SAMD5: variants seen among roughly 807,000 people sequenced by gnomAD.
The protein encoded by SAMD5 is sterile alpha motif domain containing 5, also known as sterile alpha motif domain-containing protein 5.
A neutral mutation model predicts 11.3 loss-of-function variants in SAMD5; 13 were observed. The observed-to-expected ratio is 1.15, with a 90% confidence interval of 0.75 to 1.83. The LOEUF (loss-of-function observed/expected upper bound fraction) is 1.83. SAMD5 is among the 40% of genes most tolerant of loss of function. The pLI, the probability that SAMD5 is intolerant of heterozygous loss-of-function variation, is 0.00. For synonymous variants in SAMD5, 129 were observed against 111.3 expected (o/e 1.16, Z -1.00); for missense variants, 255 against 239.1 (o/e 1.07, Z -0.44).
the SAMD5 span, among the ~76,000 whole-genome samples, chr6:147,951,673 G>A: frequency 6.6e-6 from 1 of 152,274 alleles, no homozygotes; most frequent in African/African-American, 2.4e-5. Flanking sequence ...TTTATTTGGT[G>A]GCTTATGTCA....
At position 147,569,361 on chromosome 6, in the gene SAMD5, T is replaced by C; in HGVS notation, c.*4905T>C. The C allele has an allele frequency of 1.1e-6, 1 of 883,946 alleles. No homozygotes were observed. Among genetic ancestry groups the C allele is most frequent in the African/African-American group, 1.8e-5 (1 of 55,194 alleles). 54.8% of individuals were successfully genotyped at this position (883,946 alleles called of 1,614,324 possible). ...ATTACTGCAGTTGAGAGATACCTTT[T>C]CAGAGGAAAACAAGAGGCTAAATTC... is the stretch of plus-strand genomic sequence containing the variant. On this transcript the variant is annotated 3_prime_UTR_variant, in exon 2 of 2. Transcript: ENST00000367474.
At chr6:147,846,157 G>A in the SAMD5 span, among the ~76,000 whole-genome samples, 1 of 151,742 alleles carries the variant, frequency 6.6e-6, no homozygotes, top group Non-Finnish European at 1.5e-5. Context: ...TGTGACACTT[G>A]TATTTCTATA....
At chr6:147,858,464 C>G in the SAMD5 span, among the ~76,000 whole-genome samples, 243 of 152,296 alleles carry the variant, frequency 1.6e-3, 1 homozygote, top group Admixed American at 2.7e-3. Flanking sequence ...CTGGAGGCAC[C>G]TGATCCTCCC....
chr6:147,701,112 G>A (rs1036158220), intron 1 of SAMD5, among the ~76,000 whole-genome samples: 17 of 152,126 alleles, frequency 1.1e-4, no homozygotes, highest in Non-Finnish European at 4.4e-5. Context: ...GGTTTAGATT[G>A]TAATAACAAT....
the SAMD5 span, among the ~76,000 whole-genome samples, chr6:147,919,213 C>T: frequency 4.6e-4 from 70 of 152,200 alleles, no homozygotes; most frequent in Middle Eastern, 3.4e-3. Context: ...CCACGTGTTA[C>T]GAATTGGTAA....
chr6:147,666,189 A>G (rs527302053), intron 1 of SAMD5, among the ~76,000 whole-genome samples: 1 of 152,328 alleles, frequency 6.6e-6, no homozygotes, highest in South Asian at 2.1e-4. Context: ...CGCCCGCCTC[A>G]GTCTCCCGAA....
At chr6:147,900,848 G>A in the SAMD5 span, among the ~76,000 whole-genome samples, 2 of 152,138 alleles carry the variant, frequency 1.3e-5, no homozygotes, top group East Asian at 1.9e-4. Flanking sequence ...TGTCCTTTCG[G>A]TAGTTATTAT....
chr6:147,601,115 C>G (rs1473426123), intron 1 of SAMD5, among the ~76,000 whole-genome samples: 2 of 152,166 alleles, frequency 1.3e-5, no homozygotes, highest in African/African-American at 4.8e-5. Context: ...CACAAGCTGA[C>G]CCCAGACAGA....
the SAMD5 span, among the ~76,000 whole-genome samples, chr6:147,845,947 C>T: frequency 5.9e-5 from 9 of 152,060 alleles, no homozygotes; most frequent in Non-Finnish European, 1.3e-4. Context: ...ACTTTACTTG[C>T]AATTGCTACA....
At chr6:147,812,535 G>GA in the SAMD5 span, among the ~76,000 whole-genome samples, 1 of 150,044 alleles carries the variant, frequency 6.7e-6, no homozygotes, top group Non-Finnish European at 1.5e-5. Context: ...AGGCAATCTA[G>GA]TTTTTTTTTT....
At chr6:147,790,756 T>TTC in the SAMD5 span, among the ~76,000 whole-genome samples, 1 of 28,974 alleles carries the variant, frequency 3.5e-5, no homozygotes, top group Non-Finnish European at 6.9e-5. Flanking sequence ...CTCTCTCTCT[T>TTC]TCTCTCTCTC....
At chr6:147,921,700 T>C in the SAMD5 span, among the ~76,000 whole-genome samples, 1 of 152,116 alleles carries the variant, frequency 6.6e-6, no homozygotes, top group Non-Finnish European at 1.5e-5. Flanking sequence ...GGTGATTCTG[T>C]TTTGGAGGGC....
At chr6:147,763,352 C>G in the SAMD5 span, among the ~76,000 whole-genome samples, 1 of 151,698 alleles carries the variant, frequency 6.6e-6, no homozygotes, top group African/African-American at 2.4e-5. Flanking sequence ...TTAGTAGAGA[C>G]AGGGTTTCAC....
chr6:147,898,345 A>G, the SAMD5 span, among the ~76,000 whole-genome samples: 26 of 152,254 alleles, frequency 1.7e-4, no homozygotes, highest in African/African-American at 5.5e-4. Flanking sequence ...TCACAAAAGC[A>G]GATTCTGGGC....
chr6:147,829,635 A>C, the SAMD5 span, among the ~76,000 whole-genome samples: 1 of 147,560 alleles, frequency 6.8e-6, no homozygotes, highest in Non-Finnish European at 1.5e-5. Flanking sequence ...GTGGGTGTGC[A>C]TGCATGCACA....
At chr6:147,825,949 C>T in the SAMD5 span, among the ~76,000 whole-genome samples, 1 of 152,172 alleles carries the variant, frequency 6.6e-6, no homozygotes, top group Non-Finnish European at 1.5e-5. Flanking sequence ...ACCTGTGTTT[C>T]CTGCTGGGTA....
chr6:147,630,043 A>G (rs6935882), intron 1 of SAMD5, among the ~76,000 whole-genome samples: 71,355 of 148,212 alleles, frequency 0.48, 17,409 homozygotes, highest in Middle Eastern at 0.58. Context: ...TCCACCTCCC[A>G]GGTTCAAGCA....
At chr6:147,516,191 T>G (rs1318052666) in intron 1 of SAMD5, among the ~76,000 whole-genome samples, 1 of 152,208 alleles carries the variant, frequency 6.6e-6, no homozygotes, top group Non-Finnish European at 1.5e-5. Flanking sequence ...CCTACTCTTC[T>G]ATGCTTAATA....
chr6:147,790,707 A>G, the SAMD5 span, among the ~76,000 whole-genome samples: 2 of 150,944 alleles, frequency 1.3e-5, no homozygotes, highest in Admixed American at 1.3e-4. Flanking sequence ...CCCAGAGAGA[A>G]TAAATACAAA....
Sources: gnomAD v4.1 joint callset for allele counts (sites outside exome capture counted in the v4.1 genomes callset) on GRCh38, gnomAD v4.1.1 for gene constraint, MANE v1.5 for transcripts, NCBI Gene and HGNC (gene_info 2026-07-23, HGNC 2026-07-21) for gene names.